Variants in LPA observed in about 807,000 individuals in gnomAD.
LPA encodes the protein lipoprotein(a), also known as apolipoprotein(a).
In LPA, 199 loss-of-function variants were observed where a neutral mutation model predicts 197.9. The observed-to-expected ratio is 1.01, with a 90% CI of 0.90 to 1.13. The LOEUF (loss-of-function observed/expected upper bound fraction) is 1.13, where lower values mean the gene tolerates loss of function less well. Ranked by LOEUF, LPA falls within the 50% of genes most tolerant of loss-of-function variation. The pLI is 0.00. For missense variants in LPA, 1,853 were observed against 1,785.8 expected, an observed-to-expected ratio of 1.04 and a Z score of -0.68; for synonymous variants, 715 against 639.5, an observed-to-expected ratio of 1.12 and a Z score of -1.78.
At chr6:160,649,501 T>C (rs1209108587) in intron 2 of LPA, among the ~76,000 whole-genome samples, 1 of 152,204 alleles carries the variant, frequency 6.6e-6, no homozygotes. Context: ...CAAACTCCAA[T>C]GTCCCTCCTC....
chr6:160,660,721 A>T lies in LPA; in HGVS notation c.49+3445T>A, dbSNP rs541001959. The stretch of plus-strand genomic sequence containing the variant: ...TGGTGCATGGATGATGTTGGGAATA[A>T]ATAAAAAGTGAACTAAATTATGTTC... On this transcript the variant is annotated intron_variant, in intron 1 of 38. Coordinates refer to ENST00000316300, the MANE Select transcript of LPA (RefSeq NM_005577.4). 3.9e-5 allele frequency among the ~76,000 whole-genome samples: 6 copies of T among 152,278 alleles called. No individual in the cohort carries two copies. In the South Asian group the frequency reaches 1.0e-3, roughly 26 times the overall value.
At position 160,542,811 on chromosome 6, in the gene LPA, G is replaced by A; in HGVS notation, c.5399-3C>T. The A allele has an allele frequency of 6.2e-7, 1 of 1,613,920 alleles. No individual in the cohort carries two copies. The highest frequency in any genetic ancestry group is 2.2e-5 in the East Asian group (1 of 44,872). ...CCCACAATCAAATGAAGAGGATGCT[G>A]TGGCACAAGGTGGGAAAAGAAGTCG... On this transcript the variant is annotated splice_region_variant and splice_polypyrimidine_tract_variant and intron_variant, in intron 33 of 38. Coordinates refer to ENST00000316300, the MANE Select transcript of LPA (RefSeq NM_005577.4).
At chr6:160,562,090 AT>A (rs1176125664) in intron 28 of LPA, among the ~76,000 whole-genome samples, 5 of 152,164 alleles carry the variant, frequency 3.3e-5, no homozygotes, top group Admixed American at 3.3e-4. Context: ...CCTGGACAGA[AT>A]TTCCAATACT....
At position 160,600,935 on chromosome 6, in the gene LPA, C is replaced by G; in HGVS notation, c.3109G>C (p.Glu1037Gln). The change falls in exon 19 of 39, where the codon GAG becomes CAG. Residue 1037 changes from glutamate (E) to glutamine (Q), a missense_variant. Transcript: ENST00000316300. ...TTCTTACCTTGTTCAAAAAAAGCCT[C>G]TAGGCTTGGAGCCAGAATAACATTC... ...PPNVILAPSL[E>Q]AFFEQALTEE... The G allele has an allele frequency of 1.9e-6, 3 of 1,612,738 alleles. No individual in the cohort carries two copies. Among genetic ancestry groups the G allele is most frequent in the East Asian group, 2.2e-5 (1 of 44,856 alleles).
At chr6:160,541,904 C>G (rs1341497575) in intron 34 of LPA, among the ~76,000 whole-genome samples, 1 of 152,184 alleles carries the variant, frequency 6.6e-6, no homozygotes, top group East Asian at 1.9e-4. Context: ...AAAATCAACT[C>G]AACAGCAGAG....
At chr6:160,654,140 AG>A (rs1239844584) in intron 1 of LPA, among the ~76,000 whole-genome samples, 1 of 112,570 alleles carries the variant, frequency 8.9e-6, no homozygotes, top group Non-Finnish European at 1.8e-5. Context: ...CTTATTAAGT[AG>A]TATTAACTCA....
At chr6:160,587,235 G>A (rs899398328) in intron 24 of LPA, among the ~76,000 whole-genome samples, 8 of 152,174 alleles carry the variant, frequency 5.3e-5, no homozygotes, top group Admixed American at 1.3e-4. Flanking sequence ...TCCTTGGTCT[G>A]TCATCTGTTT....
intron 33 of LPA, 135 bp downstream of exon 33, chr6:160,545,305 G>A (rs1778047942): frequency 3.0e-6 from 2 of 671,884 alleles, no homozygotes; most frequent in Admixed American, 2.4e-5. Flanking sequence ...ATGAAAAGCA[G>A]GCTCTGGTGG....
chr6:160,611,003 T>C (rs1779495065), intron 16 of LPA, among the ~76,000 whole-genome samples: 1 of 152,186 alleles, frequency 6.6e-6, no homozygotes. Context: ...CTCTCTGTGC[T>C]GACTCTCATC....
At chr6:160,592,773 G>T (rs1779054169) in intron 22 of LPA, among the ~76,000 whole-genome samples, 1 of 152,114 alleles carries the variant, frequency 6.6e-6, no homozygotes, top group Non-Finnish European at 1.5e-5. Flanking sequence ...TGTTTCTGGA[G>T]TCACCTTATT....
At chr6:160,647,797 A>T (rs963620869) in intron 2 of LPA, among the ~76,000 whole-genome samples, 10 of 152,230 alleles carry the variant, frequency 6.6e-5, no homozygotes, top group Admixed American at 2.0e-4. Flanking sequence ...CATATGGTAA[A>T]GTTAAATATA....
intron 7 of LPA, among the ~76,000 whole-genome samples, chr6:160,634,539 C>T (rs931523941): frequency 7.1e-6 from 1 of 141,654 alleles, no homozygotes; most frequent in South Asian, 2.3e-4. Context: ...CTCTAGACCC[C>T]TCACAGGTAC....
In LPA at chr6:160,594,102, C is replaced by T; in HGVS notation, c.3485G>A (p.Ser1162Asn). The stretch of plus-strand genomic sequence containing the variant: ...ATGGTAGCAATCCTGGACCCCGGGG[C>T]TTTGCTCCGTTGGTGCTGAAATTCA... ...ASSEEAPTEQ[S>N]PGVQDCYHGD... The change falls in exon 22 of 39, where the codon AGC becomes AAC. Residue 1162 changes from serine (S) to asparagine (N), a missense_variant. Coordinates refer to ENST00000316300, the MANE Select transcript of LPA (RefSeq NM_005577.4). The T allele has an allele frequency of 3.7e-6, 6 of 1,613,864 alleles. No homozygotes were observed. The Admixed American group carries it at 8.3e-5, about 22-fold the overall frequency.
intron 28 of LPA, among the ~76,000 whole-genome samples, chr6:160,566,340 C>T (rs578031306): frequency 6.6e-6 from 1 of 152,316 alleles, no homozygotes; most frequent in East Asian, 1.9e-4. Flanking sequence ...CAATATTCAA[C>T]ATTCTTAAAG....
intron 17 of LPA, among the ~76,000 whole-genome samples, chr6:160,606,227 G>A (rs1161750495): frequency 1.3e-5 from 2 of 152,052 alleles, no homozygotes; most frequent in Non-Finnish European, 2.9e-5. Flanking sequence ...ATTTTTCAAC[G>A]AGGTGAGTTG....
At chr6:160,579,115 T>C (rs1210838791) in intron 26 of LPA, among the ~76,000 whole-genome samples, 1 of 152,116 alleles carries the variant, frequency 6.6e-6, no homozygotes, top group African/African-American at 2.4e-5. Context: ...TCTCTCTCTC[T>C]ATAAGACTAT....
At chr6:160,584,358 G>A (rs1301116272) in intron 26 of LPA, among the ~76,000 whole-genome samples, 2 of 108,858 alleles carry the variant, frequency 1.8e-5, no homozygotes, top group African/African-American at 6.7e-5. Context: ...TTGAGATTGA[G>A]TCTTGCTCTG....
Position 160,654,030 on chromosome 6 carries a change from A to ATAT in LPA, c.50-3536_50-3534dup, listed in dbSNP as rs1780073125. 3.2e-4 allele frequency among the ~76,000 whole-genome samples: 3 copies of ATAT among 9,342 alleles called. 1 individual carries two copies. The Admixed American group carries it at 7.4e-3, about 23-fold the overall frequency. The allele number at this position is 9,342 out of a possible 152,430, so 6.1% of individuals were successfully genotyped here. A position where few individuals can be genotyped will look rare whatever the true frequency, so the allele number is the denominator to read the frequency against. On this transcript the variant is annotated intron_variant, in intron 1 of 38. Coordinates refer to ENST00000316300, the MANE Select transcript of LPA (RefSeq NM_005577.4). ...ATATATATTATATATAATATATAAT[A>ATAT]TATATTATATATAATATATAATATA...
intron 28 of LPA, among the ~76,000 whole-genome samples, chr6:160,569,114 C>G (rs1778516264): frequency 6.6e-6 from 1 of 152,092 alleles, no homozygotes; most frequent in South Asian, 2.1e-4. Flanking sequence ...ACTTTCTTCA[C>G]AGAATTGGAA....
Sources: gnomAD v4.1 joint callset for allele counts (sites outside exome capture counted in the v4.1 genomes callset) on GRCh38, gnomAD v4.1.1 for gene constraint, MANE v1.5 for transcripts, NCBI Gene and HGNC (gene_info 2026-07-23, HGNC 2026-07-21) for gene names.